Variants in SUCLG2 observed in about 807,000 individuals in gnomAD.
SUCLG2 encodes succinate--CoA ligase [GDP-forming] subunit beta, mitochondrial.
Under a neutral mutation model 47.9 loss-of-function variants are expected in SUCLG2, and 42 were observed. That is an observed-to-expected ratio of 0.88 (90% CI 0.69 to 1.14). The LOEUF is 1.14. Ranked by LOEUF, SUCLG2 falls within the 50% of genes most tolerant of loss-of-function variation. The pLI is 0.00. For missense variants in SUCLG2, 571 were observed against 525.9 expected, an observed-to-expected ratio of 1.09 and a Z score of -0.84; for synonymous variants, 195 against 197.3, an observed-to-expected ratio of 0.99 and a Z score of 0.10.
intron 10 of SUCLG2, among the ~76,000 whole-genome samples, chr3:67,390,139 C>T (rs1009431146): frequency 6.6e-6 from 1 of 152,160 alleles, no homozygotes; most frequent in Non-Finnish European, 1.5e-5. Flanking sequence ...TTCAGTGATC[C>T]AGATAACAGA....
chr3:67,577,847 C>T (rs1011995205), intron 2 of SUCLG2, among the ~76,000 whole-genome samples: 1 of 152,182 alleles, frequency 6.6e-6, no homozygotes, highest in Non-Finnish European at 1.5e-5. Context: ...TTCAATTTTA[C>T]TGAACAATGG....
intron 4 of SUCLG2, among the ~76,000 whole-genome samples, chr3:67,521,918 C>T (rs1470402451): frequency 6.6e-6 from 1 of 152,024 alleles, no homozygotes; most frequent in Non-Finnish European, 1.5e-5. Flanking sequence ...CACGCCTGGC[C>T]TCTTTTTTAA....
At chr3:67,549,854 C>CTT (rs925588985) in intron 2 of SUCLG2, among the ~76,000 whole-genome samples, 1 of 148,534 alleles carries the variant, frequency 6.7e-6, no homozygotes, top group African/African-American at 2.5e-5. Context: ...TAAATTTTTT[C>CTT]TTTTTTTTTT....
chr3:67,596,270 T>A (rs979047662), intron 2 of SUCLG2, among the ~76,000 whole-genome samples: 2 of 152,192 alleles, frequency 1.3e-5, no homozygotes, highest in African/African-American at 4.8e-5. Context: ...TAGCTTTACA[T>A]ACAAACAGTA....
Position 67,452,660 on chromosome 3 carries a change from C to T in SUCLG2, c.1062+43138G>A, listed in dbSNP as rs186868474. On this transcript the variant is annotated intron_variant, in intron 9 of 10. Transcript: ENST00000307227. ...CTCCCTTCCCACTCTTCCTCCTTTC[C>T]GCCCTTCCCTCTCAAATATTTATTG... Among the ~76,000 whole-genome samples the T allele has an allele frequency of 3.3e-5, 5 of 152,194 alleles. No homozygotes were observed. In the South Asian group the frequency reaches 6.2e-4, roughly 19 times the overall value.
chr3:67,497,824 T>G (rs759859705), intron 8 of SUCLG2, among the ~76,000 whole-genome samples: 2 of 152,172 alleles, frequency 1.3e-5, no homozygotes, highest in Admixed American at 6.6e-5. Context: ...ATGGGTTTAT[T>G]TGTCTTCACA....
At chr3:67,608,071 A>G (rs1354383546) in intron 2 of SUCLG2, among the ~76,000 whole-genome samples, 3 of 152,230 alleles carry the variant, frequency 2.0e-5, no homozygotes, top group African/African-American at 7.2e-5. Flanking sequence ...AAACTGAGGC[A>G]AGGACGGAGA....
chr3:67,523,494 G>A (rs537446178), intron 4 of SUCLG2, among the ~76,000 whole-genome samples: 9 of 152,228 alleles, frequency 5.9e-5, no homozygotes, highest in African/African-American at 1.4e-4. Flanking sequence ...GCTTGAAACC[G>A]TAAATTCTTT....
chr3:67,475,719 C>CTT (rs59129055), intron 9 of SUCLG2, among the ~76,000 whole-genome samples: 1 of 146,824 alleles, frequency 6.8e-6, no homozygotes, highest in East Asian at 2.0e-4. Flanking sequence ...CCTTCCCCTC[C>CTT]TTTTTTTTTT....
intron 4 of SUCLG2, among the ~76,000 whole-genome samples, chr3:67,523,279 G>C (rs959759836): frequency 6.6e-6 from 1 of 152,098 alleles, no homozygotes; most frequent in Non-Finnish European, 1.5e-5. Context: ...TCAAACTTTT[G>C]TTGAATTTAC....
chr3:67,647,108 A>G (rs1325705459), intron 1 of SUCLG2, among the ~76,000 whole-genome samples: 1 of 152,114 alleles, frequency 6.6e-6, no homozygotes, highest in Admixed American at 6.5e-5. Context: ...ACAGCCCACA[A>G]ATGGAAATAC....
chr3:67,439,623 AT>A (rs1559526955), intron 9 of SUCLG2, among the ~76,000 whole-genome samples: 2 of 152,190 alleles, frequency 1.3e-5, no homozygotes, highest in South Asian at 4.1e-4. Flanking sequence ...GTGAACTCCC[AT>A]TCACAATTGC....
chr3:67,452,830 T>C (rs1481848349), intron 9 of SUCLG2, among the ~76,000 whole-genome samples: 1 of 152,222 alleles, frequency 6.6e-6, no homozygotes, highest in Non-Finnish European at 1.5e-5. Context: ...ATTAGTAGCT[T>C]TGTTTACAAG....
intron 2 of SUCLG2, among the ~76,000 whole-genome samples, chr3:67,586,547 A>T (rs1229598801): frequency 6.6e-6 from 1 of 152,204 alleles, no homozygotes; most frequent in Non-Finnish European, 1.5e-5. Flanking sequence ...AATTGGTCTG[A>T]TGTTCATGAT....
intron 2 of SUCLG2, among the ~76,000 whole-genome samples, chr3:67,538,034 G>T (rs1706594351): frequency 6.6e-6 from 1 of 152,160 alleles, no homozygotes; most frequent in African/African-American, 2.4e-5. Flanking sequence ...TGTTCACTCG[G>T]ATGGTAGTTT....
chr3:67,480,406 T>A (rs974574052), intron 9 of SUCLG2, among the ~76,000 whole-genome samples: 1 of 152,188 alleles, frequency 6.6e-6, no homozygotes, highest in Non-Finnish European at 1.5e-5. Context: ...AGGTCTGGGG[T>A]GGAGCCCAAG....
chr3:67,515,910 C>T (rs1018158963), intron 6 of SUCLG2, among the ~76,000 whole-genome samples: 8 of 152,176 alleles, frequency 5.3e-5, no homozygotes, highest in African/African-American at 1.9e-4. Context: ...TGAACAACTT[C>T]CAACATGTCT....
chr3:67,457,755 T>C (rs924788366), intron 9 of SUCLG2, among the ~76,000 whole-genome samples: 10 of 139,760 alleles, frequency 7.2e-5, no homozygotes, highest in African/African-American at 2.3e-4. Context: ...ATTACTACTA[T>C]ACTGCAAGAG....
At chr3:67,637,928 A>C (rs1351513224) in intron 1 of SUCLG2, among the ~76,000 whole-genome samples, 1 of 152,230 alleles carries the variant, frequency 6.6e-6, no homozygotes, top group Non-Finnish European at 1.5e-5. Flanking sequence ...AAGTTACAAA[A>C]AAAGAGTGAA....
Sources: allele counts gnomAD v4.1 joint callset (sites outside exome capture counted in the v4.1 genomes callset), GRCh38; gene constraint gnomAD v4.1.1; transcripts MANE v1.5; gene names NCBI Gene and HGNC (gene_info 2026-07-23, HGNC 2026-07-21).